Variants in GREB1 observed in about 807,000 individuals in gnomAD.
GREB1 encodes protein GREB1.
GREB1 carries 106 observed loss-of-function variants against 200.7 expected under a neutral mutation model. The observed-to-expected ratio is 0.53, with a 90% CI of 0.45 to 0.62. The LOEUF (loss-of-function observed/expected upper bound fraction) is 0.62. GREB1 is among the 20% of genes least tolerant of loss of function. The pLI, the probability that GREB1 is intolerant of heterozygous loss-of-function variation, is 0.00. For missense variants in GREB1, 2,243 were observed against 2,556.8 expected (o/e 0.88, Z 2.65); for synonymous variants, 1,132 against 1,092.4 (o/e 1.04, Z -0.72).
intron 26 of GREB1, 23 bp from the exon 27 acceptor site, chr2:11,631,886 C>T (rs1395518191): frequency 2.5e-6 from 4 of 1,573,360 alleles, no homozygotes; most frequent in Non-Finnish European, 3.5e-6. Context: ...AACACTCTAC[C>T]TCATGATACC....
chr2:11,562,537 C>T lies in GREB1; in HGVS notation c.232C>T (p.Pro78Ser). The change falls in exon 3 of 33, where the codon CCT becomes TCT. Residue 78 changes from proline to serine, a missense_variant. Physicochemically the swap from Pro to Ser is moderately conservative, Grantham distance 74. Transcript: ENST00000381486. ...GCTGGAAACAAATGGCCCCCCAAACCCTTTCCAGCTGCACCCTCTGCCTGA... is the reference window on the plus strand; with the variant it reads ...GCTGGAAACAAATGGCCCCCCAAACTCTTTCCAGCTGCACCCTCTGCCTGA... ...GGLETNGPPN[P>S]FQLHPLPEGC... is the part of the protein sequence containing the mutation. 3 of 1,603,278 alleles carry T rather than the reference C, an allele frequency of 1.9e-6. No individual in the cohort carries two copies. The highest frequency in any genetic ancestry group is 2.2e-5 in the South Asian group (2 of 89,932).
chr2:11,526,322 A>G (rs1424199919), intron 1 of GREB1, among the ~76,000 whole-genome samples: 1 of 152,210 alleles, frequency 6.6e-6, no homozygotes, highest in African/African-American at 2.4e-5. Flanking sequence ...TAGTAGAAAG[A>G]TTATGAGCTT....
intron 1 of GREB1, among the ~76,000 whole-genome samples, chr2:11,515,056 A>ATC (rs1198728616): frequency 4.7e-5 from 7 of 149,692 alleles, no homozygotes; most frequent in African/African-American, 1.7e-4. Flanking sequence ...CCATCCATCC[A>ATC]CACATGTATC....
chr2:11,500,045 C>T (rs2148423276), intron 1 of GREB1, among the ~76,000 whole-genome samples: 1 of 151,722 alleles, frequency 6.6e-6, no homozygotes, highest in East Asian at 1.9e-4. Context: ...GCAGTGGTGT[C>T]ATCTCAGCTC....
At chr2:11,560,109 A>G (rs1289616837) in intron 2 of GREB1, among the ~76,000 whole-genome samples, 1 of 152,194 alleles carries the variant, frequency 6.6e-6, no homozygotes, top group Non-Finnish European at 1.5e-5. Context: ...TTCCACACAG[A>G]CCATCAGAAC....
intron 1 of GREB1, among the ~76,000 whole-genome samples, chr2:11,513,239 G>A (rs1333678864): frequency 6.6e-6 from 1 of 152,170 alleles, no homozygotes; most frequent in African/African-American, 2.4e-5. Context: ...CTGGAAGTCT[G>A]TTAGGGACTC....
chr2:11,639,340 C>T (rs913817245), intron 32 of GREB1, among the ~76,000 whole-genome samples: 8 of 152,212 alleles, frequency 5.3e-5, no homozygotes, highest in African/African-American at 7.2e-5. Context: ...CCACCTGCCT[C>T]GGCCTCCCAA....
chr2:11,619,519 G>C (rs1683826679), intron 22 of GREB1, among the ~76,000 whole-genome samples: 1 of 152,094 alleles, frequency 6.6e-6, no homozygotes, highest in Non-Finnish European at 1.5e-5. Flanking sequence ...TACTTTTTCT[G>C]ATTTAAAAAG....
chr2:11,638,005 T>C (rs1685518798), intron 31 of GREB1, 89 bp downstream of exon 31: 1 of 1,117,924 alleles, frequency 8.9e-7, no homozygotes, highest in East Asian at 2.4e-5. Context: ...GAATCCTAAG[T>C]CCTCAACTCC....
intron 1 of GREB1, among the ~76,000 whole-genome samples, chr2:11,538,485 C>A (rs1243737340): frequency 6.6e-6 from 1 of 152,168 alleles, no homozygotes; most frequent in African/African-American, 2.4e-5. Flanking sequence ...GGTATTTGCA[C>A]AATTGGAGTG....
intron 1 of GREB1, among the ~76,000 whole-genome samples, chr2:11,527,526 GT>G (rs1673917387): frequency 1.3e-5 from 2 of 152,228 alleles, no homozygotes; most frequent in Admixed American, 1.3e-4. Context: ...AAAATGCTTT[GT>G]GGGGAAGCTT....
At chr2:11,608,133 T>TGTGGCTG (rs1558626401) in intron 17 of GREB1, among the ~76,000 whole-genome samples, 3 of 152,188 alleles carry the variant, frequency 2.0e-5, no homozygotes, top group African/African-American at 7.2e-5. Flanking sequence ...ACCACTCTAT[T>TGTGGCTG]GTGGCTGGCA....
intron 1 of GREB1, among the ~76,000 whole-genome samples, chr2:11,484,486 C>A (rs983415925): frequency 1.3e-5 from 2 of 151,168 alleles, no homozygotes; most frequent in African/African-American, 2.4e-5. Context: ...GCACGGCTCA[C>A]ACCTGTAATC....
chr2:11,522,022 G>A (rs1196492506), intron 1 of GREB1, among the ~76,000 whole-genome samples: 1 of 152,160 alleles, frequency 6.6e-6, no homozygotes, highest in Non-Finnish European at 1.5e-5. Context: ...GGAGTTGTCT[G>A]CAGGAAGTCT....
chr2:11,589,988 G>T (rs1680566986), intron 10 of GREB1, among the ~76,000 whole-genome samples: 1 of 152,154 alleles, frequency 6.6e-6, no homozygotes, highest in Non-Finnish European at 1.5e-5. Context: ...ATACATTTAA[G>T]ACACACTGGC....
At chr2:11,569,832 G>T (rs1199935929) in intron 4 of GREB1, among the ~76,000 whole-genome samples, 1 of 152,188 alleles carries the variant, frequency 6.6e-6, no homozygotes, top group Non-Finnish European at 1.5e-5. Flanking sequence ...GCACACTGGA[G>T]AGGTGGCGAG....
At position 11,633,345 on chromosome 2, in the gene GREB1, G is replaced by A. The variant is rs1035969809; in HGVS notation, c.4991+282G>A. 2.0e-5 allele frequency among the ~76,000 whole-genome samples: 3 copies of A among 152,010 alleles called. No homozygotes were observed. Among genetic ancestry groups the A allele is most frequent in the Non-Finnish European group, 4.4e-5 (3 of 68,002 alleles). ...TGGGAGGCTGAGGTGGGTGGATCACGAGGTCAGGAGATCGAGACCATCCTG... is the reference window on the plus strand; with the variant it reads ...TGGGAGGCTGAGGTGGGTGGATCACAAGGTCAGGAGATCGAGACCATCCTG... On this transcript the variant is annotated intron_variant, in intron 28 of 32. Coordinates refer to ENST00000381486, the MANE Select transcript of GREB1 (RefSeq NM_014668.4). This position sits in a 1 kb window ranked among gnomAD's most constrained non-coding sequence, Gnocchi z 4.1.
intron 26 of GREB1, among the ~76,000 whole-genome samples, chr2:11,630,530 T>G (rs1684799979): frequency 6.6e-6 from 1 of 152,180 alleles, no homozygotes; most frequent in Non-Finnish European, 1.5e-5. Context: ...CTTAGGTAGA[T>G]AGGACAGCAC....
At chr2:11,485,276 T>TATATATA (rs1491126303) in intron 1 of GREB1, among the ~76,000 whole-genome samples, 870 of 4,498 alleles carry the variant, frequency 0.19, 7 homozygotes, top group Admixed American at 0.2. Context: ...TATATATGTA[T>TATATATA]TTTTTTTTTT....
Sources: allele counts gnomAD v4.1 joint callset (sites outside exome capture counted in the v4.1 genomes callset), GRCh38; gene constraint gnomAD v4.1.1; non-coding constraint Gnocchi (gnomAD v3.1); transcripts MANE v1.5; gene names NCBI Gene and HGNC (gene_info 2026-07-23, HGNC 2026-07-21).